Variants in PCDHA4 observed in about 807,000 individuals in gnomAD.
PCDHA4 encodes the protein protocadherin alpha-4.
A neutral mutation model predicts 61.4 loss-of-function variants in PCDHA4; 49 were observed. The ratio of observed to expected loss-of-function variants is 0.80; its 90% CI spans 0.63 to 1.01. The LOEUF is 1.01. Ranked by LOEUF, PCDHA4 falls within the 50% of genes least tolerant of loss-of-function variation. The pLI, the probability that PCDHA4 is intolerant of heterozygous loss-of-function variation, is 0.00. For synonymous variants in PCDHA4, 590 were observed against 550.3 expected (o/e 1.07, Z -1.01); for missense variants, 1,254 against 1,235.8 (o/e 1.01, Z -0.22).
intron 1 of PCDHA4, chr5:140,858,022 G>A (rs1554151044): frequency 1.3e-6 from 2 of 1,597,054 alleles, no homozygotes; most frequent in Non-Finnish European, 8.6e-7. Flanking sequence ...AGCCGTCGCT[G>A]ACGGCCACGG....
chr5:140,927,191 T>G, intron 1 of PCDHA4: 1 of 1,614,144 alleles, frequency 6.2e-7, no homozygotes. Flanking sequence ...TACGACCTGG[T>G]GCTCGAGGAC....
At chr5:140,812,568 T>C (rs1765138041) in intron 1 of PCDHA4, 1 of 152,174 alleles carries the variant, frequency 6.6e-6, no homozygotes, top group Non-Finnish European at 1.5e-5. Context: ...AGTTTTTTAT[T>C]TGAGATCTTT....
chr5:140,985,941 G>T (rs553776294), intron 3 of PCDHA4, among the ~76,000 whole-genome samples: 2 of 151,978 alleles, frequency 1.3e-5, no homozygotes, highest in South Asian at 4.1e-4. Flanking sequence ...GGGTTTCACT[G>T]TGTTAGCCAG....
At chr5:140,948,489 T>C (rs547481990) in intron 1 of PCDHA4, among the ~76,000 whole-genome samples, 6 of 151,790 alleles carry the variant, frequency 4.0e-5, no homozygotes, top group Admixed American at 3.3e-4. Context: ...TTCAATTTCT[T>C]TCATAGACTT....
intron 1 of PCDHA4, chr5:140,968,773 A>G (rs528972800): frequency 4.3e-6 from 7 of 1,614,206 alleles, no homozygotes; most frequent in Non-Finnish European, 5.1e-6. Flanking sequence ...GAGAGCCATC[A>G]CTATCAGCCT....
chr5:140,885,213 AT>A (rs1364699535), intron 1 of PCDHA4, among the ~76,000 whole-genome samples: 44 of 152,178 alleles, frequency 2.9e-4, no homozygotes, highest in African/African-American at 1.0e-3. Context: ...CCCATGAAAA[AT>A]ATCTTGTGAT....
chr5:140,892,793 A>G (rs1292583572), intron 1 of PCDHA4, among the ~76,000 whole-genome samples: 1 of 152,224 alleles, frequency 6.6e-6, no homozygotes, highest in Non-Finnish European at 1.5e-5. Context: ...TATGTAAGAA[A>G]TTATAGTTAA....
At chr5:140,985,974 C>T (rs562510809) in intron 3 of PCDHA4, among the ~76,000 whole-genome samples, 3 of 152,198 alleles carry the variant, frequency 2.0e-5, no homozygotes, top group Admixed American at 1.3e-4. Context: ...CTCCTGACCT[C>T]GTGATCCGCC....
At position 140,843,683 on chromosome 5, in the gene PCDHA4, G is replaced by C. The variant is rs2150364990; in HGVS notation, c.2385+34111G>C. ...TCTGGGATCAGTTGATGTAGGCGAA[G>C]AGCAAGATTTAAATGTTGATCATGG... On this transcript the variant is annotated intron_variant, in intron 1 of 3. Coordinates refer to ENST00000530339, the MANE Select transcript of PCDHA4 (RefSeq NM_018907.4). 1.7e-5 allele frequency: 27 copies of C among 1,589,836 alleles called. 2 individuals are homozygous for C. The highest frequency in any genetic ancestry group is 1.7e-4 in the Middle Eastern group (1 of 6,012).
At chr5:140,919,841 GA>G (rs1318412572) in intron 1 of PCDHA4, among the ~76,000 whole-genome samples, 1 of 152,146 alleles carries the variant, frequency 6.6e-6, no homozygotes, top group Non-Finnish European at 1.5e-5. Context: ...GTAACCTTTG[GA>G]ACCTGTGACC....
At chr5:140,862,906 C>A in intron 1 of PCDHA4, 1 of 554,064 alleles carries the variant, frequency 1.8e-6, no homozygotes, top group Non-Finnish European at 3.5e-6. Flanking sequence ...GTCTGCGCTG[C>A]TGGCGCCTTG....
In PCDHA4 at chr5:140,829,866, C is replaced by A. The variant is rs180987045; in HGVS notation, c.2385+20294C>A. On this transcript the variant is annotated intron_variant, in intron 1 of 3. Transcript: ENST00000530339. ...TCACTGGGTGCAGGCCAAGTGGTGG[C>A]GAAGGTGCGCGCAGTTGACGCCGAC... 5 of 1,613,774 alleles carry A rather than the reference C, an allele frequency of 3.1e-6. 1 individual carries two copies. The Admixed American group carries it at 6.7e-5, about 22-fold the overall frequency.
At position 140,850,252 on chromosome 5, in the gene PCDHA4, G is replaced by C. The variant is rs1377963742; in HGVS notation, c.2385+40680G>C. 3.1e-5 allele frequency: 49 copies of C among 1,593,714 alleles called. 1 individual carries two copies. The East Asian group carries it at 1.0e-3, about 34-fold the overall frequency. ...AGCGAGATGGTGCTGCGGTCGGTGGGCGCCGGCGTAGTGGTGGGGAAGGTG... is the reference window on the plus strand; with the variant it reads ...AGCGAGATGGTGCTGCGGTCGGTGGCCGCCGGCGTAGTGGTGGGGAAGGTG... On this transcript the variant is annotated intron_variant, in intron 1 of 3. Transcript: ENST00000530339.
At chr5:140,871,521 CA>C in intron 1 of PCDHA4, 1 of 1,553,236 alleles carries the variant, frequency 6.4e-7, no homozygotes, top group Non-Finnish European at 8.7e-7. Context: ...TTCCACCTAT[CA>C]GGAAGTGTAT....
chr5:140,963,216 T>C (rs868943222), intron 1 of PCDHA4, among the ~76,000 whole-genome samples: 24 of 152,176 alleles, frequency 1.6e-4, no homozygotes, highest in Admixed American at 1.2e-3. Context: ...ACCTCGTGTT[T>C]AGAGTAGACA....
chr5:140,884,312 G>T, intron 1 of PCDHA4: 1 of 1,613,768 alleles, frequency 6.2e-7, no homozygotes, highest in Non-Finnish European at 8.5e-7. Flanking sequence ...TTCGTCGAGG[G>T]CGTCGGCAGG....
At chr5:141,000,921 C>T (rs562554000) in intron 3 of PCDHA4, among the ~76,000 whole-genome samples, 1 of 152,006 alleles carries the variant, frequency 6.6e-6, no homozygotes, top group Non-Finnish European at 1.5e-5. Flanking sequence ...AAAAAAAAAT[C>T]CTGTGTGATT....
intron 1 of PCDHA4, chr5:140,843,207 G>A (rs1778678462): frequency 1.3e-6 from 2 of 1,595,886 alleles, no homozygotes; most frequent in Admixed American, 1.7e-5. Flanking sequence ...CTGTACACGG[G>A]CGAGATCAGC....
rs1338866234 is a variant in PCDHA4 at position 141,009,892 on chromosome 5, GAA to G, written c.2804_2805del (p.Lys935ArgfsTer8). ...AGAAGAAGGGTAACAAGACCCAGGA[GAA>G]AAAAGAGAAAGGGAACAGCACGACT... ...KKKKGNKTQE[K>X]KEKGNSTTDN... On this transcript the variant is annotated frameshift_variant, in exon 4 of 4. Coordinates refer to ENST00000530339, the MANE Select transcript of PCDHA4 (RefSeq NM_018907.4). LOFTEE classifies it high-confidence loss of function. The G allele has an allele frequency of 3.7e-6, 6 of 1,612,022 alleles. No individual in the cohort carries two copies. The Admixed American group carries it at 1.0e-4, about 27-fold the overall frequency.
Sources: allele counts gnomAD v4.1 joint callset (sites outside exome capture counted in the v4.1 genomes callset), GRCh38; gene constraint gnomAD v4.1.1; transcripts MANE v1.5; gene names NCBI Gene and HGNC (gene_info 2026-07-23, HGNC 2026-07-21).